Variants in PRKCB observed in about 807,000 individuals in gnomAD.
PRKCB encodes the protein protein kinase C beta type.
Under a neutral mutation model 81.5 loss-of-function variants are expected in PRKCB, and 13 were observed. The observed-to-expected ratio is 0.16, with a 90% CI of 0.10 to 0.25. The LOEUF (loss-of-function observed/expected upper bound fraction) is 0.25. Ranked by LOEUF, PRKCB falls within the 10% of genes least tolerant of loss-of-function variation. The pLI is 1.00. For synonymous variants in PRKCB, 335 were observed against 321.4 expected, an observed-to-expected ratio of 1.04 and a Z score of -0.45; for missense variants, 509 against 875.7, an observed-to-expected ratio of 0.58 and a Z score of 5.29.
intron 4 of PRKCB, among the ~76,000 whole-genome samples, chr16:24,032,780 T>C (rs912340992): frequency 6.6e-6 from 1 of 152,178 alleles, no homozygotes; most frequent in East Asian, 1.9e-4. Flanking sequence ...TTGCTCCTGA[T>C]CCACTGGTCA....
rs184456956 is a variant in PRKCB, at chr16:24,186,769, G to A, written c.1722+1202G>A. The stretch of plus-strand genomic sequence containing the variant: ...TGGGCCAGCCTCTCAGCCTAAAAGC[G>A]CCTTGTCACACTGCCTAAATTCCCA... On this transcript the variant is annotated intron_variant, in intron 15 of 16. Coordinates refer to ENST00000643927, the MANE Select transcript of PRKCB (RefSeq NM_002738.7). Among the ~76,000 whole-genome samples, 657 of 152,340 alleles carry A rather than the reference G, an allele frequency of 4.3e-3. 6 individuals carry two copies. The highest frequency in any genetic ancestry group is 6.8e-3 in the Middle Eastern group (2 of 294).
chr16:23,865,474 T>TAC (rs1962758373), intron 2 of PRKCB, among the ~76,000 whole-genome samples: 3 of 1,626 alleles, frequency 1.8e-3, no homozygotes, highest in Non-Finnish European at 2.8e-3. Context: ...GGCATATATA[T>TAC]ATATATATAT....
intron 2 of PRKCB, among the ~76,000 whole-genome samples, chr16:23,868,011 A>G (rs900546378): frequency 6.6e-6 from 1 of 152,238 alleles, no homozygotes; most frequent in Non-Finnish European, 1.5e-5. Context: ...CTGGCTCCAA[A>G]GAATGGTAGA....
chr16:24,179,829 G>C (rs190631977), intron 12 of PRKCB, among the ~76,000 whole-genome samples: 17 of 152,236 alleles, frequency 1.1e-4, no homozygotes, highest in Non-Finnish European at 1.5e-4. Context: ...CAGAGTAATT[G>C]TTATCTTTTT....
At chr16:24,073,702 C>T (rs1966143622) in intron 5 of PRKCB, among the ~76,000 whole-genome samples, 1 of 152,138 alleles carries the variant, frequency 6.6e-6, no homozygotes, top group Non-Finnish European at 1.5e-5. Context: ...GTTTTTAACA[C>T]CTCGATAAAC....
At chr16:24,142,560 A>G (rs1353364248) in intron 9 of PRKCB, among the ~76,000 whole-genome samples, 1 of 152,176 alleles carries the variant, frequency 6.6e-6, no homozygotes, top group East Asian at 1.9e-4. Flanking sequence ...CAGCCTCCCA[A>G]TGTTTAGAAG....
intron 4 of PRKCB, among the ~76,000 whole-genome samples, 195 bp from the exon 5 acceptor site, chr16:24,035,224 A>G (rs997310704): frequency 6.6e-6 from 1 of 152,106 alleles, no homozygotes; most frequent in Non-Finnish European, 1.5e-5. Flanking sequence ...TTTGCCCATC[A>G]GGGTTCAGGG....
intron 2 of PRKCB, among the ~76,000 whole-genome samples, chr16:23,982,980 C>A (rs1441335770): frequency 6.6e-6 from 1 of 152,112 alleles, no homozygotes; most frequent in Non-Finnish European, 1.5e-5. Flanking sequence ...TGCAGGCTTT[C>A]AACCTTTGTA....
At chr16:24,176,220 G>A (rs550955838) in intron 12 of PRKCB, among the ~76,000 whole-genome samples, 32 of 152,034 alleles carry the variant, frequency 2.1e-4, no homozygotes, top group Non-Finnish European at 4.0e-4. Flanking sequence ...AATGATGGAG[G>A]GAAGAAGGTC....
intron 2 of PRKCB, among the ~76,000 whole-genome samples, chr16:23,848,161 G>C (rs1962410843): frequency 6.6e-6 from 1 of 152,218 alleles, no homozygotes; most frequent in Non-Finnish European, 1.5e-5. Flanking sequence ...CGTCATATCA[G>C]AGGGGTTGGC....
chr16:24,126,914 C>G (rs1171512192), intron 9 of PRKCB, among the ~76,000 whole-genome samples: 1 of 152,028 alleles, frequency 6.6e-6, no homozygotes, highest in Non-Finnish European at 1.5e-5. Context: ...CTCAAGCAAT[C>G]ATCCTGCCGT....
intron 5 of PRKCB, among the ~76,000 whole-genome samples, chr16:24,086,917 CATA>C (rs1966317328): frequency 6.6e-6 from 1 of 152,066 alleles, no homozygotes; most frequent in African/African-American, 2.4e-5. Context: ...TTTATTCTGA[CATA>C]ATCTCAAAAT....
intron 4 of PRKCB, among the ~76,000 whole-genome samples, chr16:24,034,510 G>C (rs1302273865): frequency 6.6e-6 from 1 of 152,248 alleles, no homozygotes; most frequent in Non-Finnish European, 1.5e-5. Context: ...ATACTCTACG[G>C]AGGAGTGCGC....
chr16:24,025,022 T>G (rs1038275391), intron 3 of PRKCB, among the ~76,000 whole-genome samples: 6 of 152,106 alleles, frequency 3.9e-5, no homozygotes, highest in African/African-American at 1.4e-4. Context: ...CCTACAAGTA[T>G]GATCCCTCAT....
At position 24,199,540 on chromosome 16, in the gene PRKCB, A is replaced by C. The variant is rs114435224; in HGVS notation, c.1863+8310A>C. 7.9e-4 allele frequency among the ~76,000 whole-genome samples: 121 copies of C among 152,322 alleles called. 4 individuals are homozygous for C. The South Asian group carries it at 9.7e-3, about 12-fold the overall frequency. On this transcript the variant is annotated intron_variant, in intron 16 of 16. Coordinates refer to ENST00000643927, the MANE Select transcript of PRKCB (RefSeq NM_002738.7). Reference sequence around the variant, plus strand: ...ATCTAACACTTACTCAATGTGATTTATTTAAGCACAGAACCTAACTCCCCC... The same window carrying C: ...ATCTAACACTTACTCAATGTGATTTCTTTAAGCACAGAACCTAACTCCCCC...
intron 12 of PRKCB, among the ~76,000 whole-genome samples, chr16:24,175,724 C>A (rs761447271): frequency 6.6e-6 from 1 of 151,802 alleles, no homozygotes; most frequent in Non-Finnish European, 1.5e-5. Context: ...GTAATCCCAA[C>A]GCTTTGGGAG....
intron 9 of PRKCB, among the ~76,000 whole-genome samples, chr16:24,126,104 T>C (rs1360624608): frequency 6.6e-6 from 1 of 152,204 alleles, no homozygotes; most frequent in East Asian, 1.9e-4. Context: ...CCACAGAGCC[T>C]GTACCAAGTG....
intron 3 of PRKCB, among the ~76,000 whole-genome samples, chr16:23,992,222 G>C (rs909913840): frequency 6.6e-6 from 1 of 152,166 alleles, no homozygotes; most frequent in Non-Finnish European, 1.5e-5. Context: ...TCAGGTTTTG[G>C]TATTTTGTTA....
At position 24,218,586 on chromosome 16, in the gene PRKCB, G is replaced by A. The variant is rs539651319; in HGVS notation, c.*3770G>A. 4.3e-4 allele frequency: 427 copies of A among 985,430 alleles called. No individual in the cohort carries two copies. In the Middle Eastern group the frequency reaches 5.2e-3, roughly 12 times the overall value. The allele number at this position is 985,430 out of a possible 1,614,324, so 61.0% of individuals were successfully genotyped here. A position where few individuals can be genotyped will look rare whatever the true frequency, so the allele number is the denominator to read the frequency against. On this transcript the variant is annotated 3_prime_UTR_variant, in exon 17 of 17. Coordinates refer to ENST00000643927, the MANE Select transcript of PRKCB (RefSeq NM_002738.7). ...ATAGAGACATTTTACCTATCTCAGG[G>A]GAGCAGCCACAAAGAAGCAAGTCTT...
Sources: gnomAD v4.1 joint callset for allele counts (sites outside exome capture counted in the v4.1 genomes callset) on GRCh38, gnomAD v4.1.1 for gene constraint, MANE v1.5 for transcripts, NCBI Gene and HGNC (gene_info 2026-07-23, HGNC 2026-07-21) for gene names.